RLN2: variants seen among roughly 807,000 people sequenced by gnomAD.
The protein encoded by RLN2 is relaxin 2.
Under a neutral mutation model 7.3 loss-of-function variants are expected in RLN2, and 10 were observed. The observed-to-expected ratio is 1.36, with a 90% confidence interval of 0.84 to 2.31. The LOEUF is 2.31. RLN2 is among the 30% of genes most tolerant of loss of function. The pLI is 0.00. For missense variants in RLN2, 298 were observed against 217.6 expected, an observed-to-expected ratio of 1.37 and a Z score of -2.32; for synonymous variants, 103 against 82.3, an observed-to-expected ratio of 1.25 and a Z score of -1.36.
chr9:5,333,125 G>T, the RLN2 span, among the ~76,000 whole-genome samples: 1 of 151,880 alleles, frequency 6.6e-6, no homozygotes, highest in Non-Finnish European at 1.5e-5. Context: ...TGAAGGGGAG[G>T]ACTACAAAAC....
At chr9:5,335,341 A>C in the RLN2 span, 1 of 1,612,960 alleles carries the variant, frequency 6.2e-7, no homozygotes, top group Non-Finnish European at 8.5e-7. Flanking sequence ...TTTTTTGAGA[A>C]TGAGTATCCA....
At chr9:5,315,733 A>C in the RLN2 span, among the ~76,000 whole-genome samples, 1 of 152,102 alleles carries the variant, frequency 6.6e-6, no homozygotes, top group Non-Finnish European at 1.5e-5. Context: ...GAGGATTCCC[A>C]TTAGACTATC....
chr9:5,325,182 G>A, the RLN2 span, among the ~76,000 whole-genome samples: 1 of 151,860 alleles, frequency 6.6e-6, no homozygotes, highest in Admixed American at 6.6e-5. Flanking sequence ...GCCGATAGGG[G>A]AATTTAAGGC....
chr9:5,327,203 T>A, the RLN2 span, among the ~76,000 whole-genome samples: 1 of 152,098 alleles, frequency 6.6e-6, no homozygotes, highest in African/African-American at 2.4e-5. Context: ...AATAGTGCCC[T>A]TTTCCAACAG....
chr9:5,326,227 AT>A, the RLN2 span, among the ~76,000 whole-genome samples: 4 of 152,090 alleles, frequency 2.6e-5, no homozygotes, highest in Non-Finnish European at 1.5e-5. Context: ...ACATACCATT[AT>A]TTTGTTTGAG....
rs1350502181 is a variant in RLN2, at chr9:5,304,659, C to T, written c.-79G>A. The T allele has an allele frequency of 4.9e-6, 7 of 1,427,762 alleles. No homozygotes were observed. The highest frequency in any genetic ancestry group is 4.2e-5 in the African/African-American group (3 of 71,328). 88.4% of individuals were successfully genotyped at this position (1,427,762 alleles called of 1,614,324 possible). ...GCTGCTGTGGCCTACACACCTGGGC[C>T]TGTGTGCCTGTCCCGGGCTTTAGGC... On this transcript the variant is annotated 5_prime_UTR_variant, in exon 1 of 2. Transcript: ENST00000381627.
the RLN2 span, among the ~76,000 whole-genome samples, chr9:5,326,648 T>G: frequency 6.6e-6 from 1 of 152,080 alleles, no homozygotes; most frequent in African/African-American, 2.4e-5. Flanking sequence ...GGTCTCCACC[T>G]GATTTATGTC....
the RLN2 span, among the ~76,000 whole-genome samples, chr9:5,332,860 A>G: frequency 1.4e-4 from 21 of 151,900 alleles, no homozygotes; most frequent in African/African-American, 4.6e-4. Context: ...CAGGTGATCC[A>G]CCTGCCTCGG....
At chr9:5,339,294 A>C in the RLN2 span, 1 of 381,566 alleles carries the variant, frequency 2.6e-6, no homozygotes, top group Non-Finnish European at 4.4e-6. Context: ...CGGGTGAAGC[A>C]GCTTCCTGTT....
chr9:5,307,640 G>T (rs1223996309), upstream of RLN2, among the ~76,000 whole-genome samples: 1 of 151,964 alleles, frequency 6.6e-6, no homozygotes, highest in Non-Finnish European at 1.5e-5. Context: ...CTGCATCTGG[G>T]GGTGCATCTT....
the RLN2 span, among the ~76,000 whole-genome samples, chr9:5,333,543 A>C: frequency 6.6e-6 from 1 of 151,932 alleles, no homozygotes; most frequent in African/African-American, 2.4e-5. Flanking sequence ...TACTAACCAA[A>C]AACAGCCCAG....
chr9:5,339,118 G>A, the RLN2 span: 1 of 157,046 alleles, frequency 6.4e-6, no homozygotes, highest in Non-Finnish European at 1.1e-5. Flanking sequence ...CTGTTCAGGT[G>A]CCCCCACCAG....
At chr9:5,337,383 C>G in the RLN2 span, among the ~76,000 whole-genome samples, 11 of 152,092 alleles carry the variant, frequency 7.2e-5, no homozygotes, top group South Asian at 1.9e-3. Context: ...ATTTCATAAT[C>G]CATAACACTT....
At chr9:5,318,642 T>C in the RLN2 span, among the ~76,000 whole-genome samples, 1 of 152,072 alleles carries the variant, frequency 6.6e-6, no homozygotes, top group Admixed American at 6.5e-5. Context: ...ATCTTAATTT[T>C]CTTCTTACCT....
upstream of RLN2, among the ~76,000 whole-genome samples, chr9:5,307,120 C>A (rs1321406568): frequency 6.6e-6 from 1 of 151,964 alleles, no homozygotes; most frequent in African/African-American, 2.4e-5. Flanking sequence ...TGGGAATAGC[C>A]TGCTGGCAAC....
At chr9:5,322,694 G>C in the RLN2 span, among the ~76,000 whole-genome samples, 627 of 152,056 alleles carry the variant, frequency 4.1e-3, 6 homozygotes, top group Non-Finnish European at 4.9e-3. Flanking sequence ...TAGAATATGG[G>C]GGTATAAAGC....
the RLN2 span, among the ~76,000 whole-genome samples, chr9:5,309,883 T>C: frequency 6.6e-6 from 1 of 152,000 alleles, no homozygotes; most frequent in Non-Finnish European, 1.5e-5. Context: ...TAGAAGGCCC[T>C]GGCTACAGAG....
chr9:5,320,295 CT>C, the RLN2 span, among the ~76,000 whole-genome samples: 390 of 151,238 alleles, frequency 2.6e-3, 7 homozygotes, highest in African/African-American at 8.8e-3. Flanking sequence ...AAACCTAACA[CT>C]TTTAATTAAA....
the RLN2 span, among the ~76,000 whole-genome samples, chr9:5,312,525 T>C: frequency 1.3e-5 from 2 of 152,092 alleles, no homozygotes; most frequent in South Asian, 2.1e-4. Context: ...ACCCTCACTT[T>C]AAACTTTCCC....
Sources: allele counts gnomAD v4.1 joint callset (sites outside exome capture counted in the v4.1 genomes callset), GRCh38; gene constraint gnomAD v4.1.1; transcripts MANE v1.5; gene names NCBI Gene and HGNC (gene_info 2026-07-23, HGNC 2026-07-21).